SSH2: variants seen among roughly 807,000 people sequenced by gnomAD.
The protein encoded by SSH2 is protein phosphatase Slingshot homolog 2.
In SSH2, 37 loss-of-function variants were observed where a neutral mutation model predicts 135.2. The ratio of observed to expected loss-of-function variants is 0.27; its 90% CI spans 0.21 to 0.36. SSH2 has a LOEUF of 0.36. Among genes scored for constraint, SSH2 ranks in the 10% least tolerant of loss-of-function variants. SSH2 has a pLI of 1.00. For missense variants in SSH2, 1,408 were observed against 1,765.3 expected (o/e 0.80, Z 3.63); for synonymous variants, 628 against 646.2 (o/e 0.97, Z 0.43).
At position 29,737,557 on chromosome 17, in the gene SSH2, C is replaced by T. The variant is rs184632678; in HGVS notation, c.189-34495G>A. On this transcript the variant is annotated intron_variant, in intron 3 of 15. Coordinates refer to ENST00000540801, the MANE Select transcript of SSH2 (RefSeq NM_001282129.2). ...AACTACAGACAAATAAGGCACAGTACAAAAGCATGGGATATAAAGTTAGAA... is the reference window on the plus strand; with the variant it reads ...AACTACAGACAAATAAGGCACAGTATAAAAGCATGGGATATAAAGTTAGAA... Among the ~76,000 whole-genome samples, 8 of 152,210 alleles carry T rather than the reference C, an allele frequency of 5.3e-5. 1 individual carries two copies. The highest frequency in any genetic ancestry group is 7.2e-5 in the African/African-American group (3 of 41,534).
intron 14 of SSH2, among the ~76,000 whole-genome samples, chr17:29,646,979 T>TA (rs1247204190): frequency 1.3e-5 from 2 of 151,080 alleles, no homozygotes; most frequent in Admixed American, 6.6e-5. Context: ...TTTTTTTTTT[T>TA]AAAGAGTCGG....
chr17:29,710,324 G>A (rs1029326017), intron 3 of SSH2, among the ~76,000 whole-genome samples: 2 of 152,214 alleles, frequency 1.3e-5, no homozygotes, highest in African/African-American at 4.8e-5. Context: ...AAACTCTGGA[G>A]TTGGTTTGAT....
intron 3 of SSH2, among the ~76,000 whole-genome samples, chr17:29,719,274 A>G (rs1372683351): frequency 6.6e-6 from 1 of 152,208 alleles, no homozygotes; most frequent in Non-Finnish European, 1.5e-5. Context: ...TGGCACGTCC[A>G]TCAATGTTCT....
chr17:29,781,541 G>A (rs987009895), intron 3 of SSH2, among the ~76,000 whole-genome samples: 1 of 141,916 alleles, frequency 7.0e-6, no homozygotes, highest in African/African-American at 2.7e-5. Context: ...GTGCAATGGC[G>A]CAGTCTCAGC....
chr17:29,915,749 G>A (rs987787305), intron 1 of SSH2, among the ~76,000 whole-genome samples: 1 of 151,480 alleles, frequency 6.6e-6, no homozygotes, highest in Non-Finnish European at 1.5e-5. Context: ...GTGGAAATTG[G>A]CAACTAAAAC....
At chr17:29,701,869 C>T (rs188097849) in intron 4 of SSH2, among the ~76,000 whole-genome samples, 1 of 151,588 alleles carries the variant, frequency 6.6e-6, no homozygotes, top group South Asian at 2.1e-4. Context: ...CTGTGCCTGG[C>T]CACATTTGGC....
intron 13 of SSH2, among the ~76,000 whole-genome samples, chr17:29,649,710 C>A (rs757350916): frequency 2.6e-5 from 4 of 152,146 alleles, no homozygotes; most frequent in African/African-American, 4.8e-5. Context: ...ATCTGCCCCT[C>A]TGGATCTTAG....
intron 11 of SSH2, among the ~76,000 whole-genome samples, chr17:29,663,623 A>T (rs113781494): frequency 0.026 from 4,007 of 152,304 alleles, 172 homozygotes; most frequent in African/African-American, 0.089. Context: ...AGAATACAGA[A>T]TTATACCTGA....
At chr17:29,761,480 G>C (rs1039285514) in intron 3 of SSH2, 16 of 986,430 alleles carry the variant, frequency 1.6e-5, no homozygotes, top group Non-Finnish European at 1.9e-5. Flanking sequence ...GGGGCGGGAC[G>C]GGCGGGTCCT....
chr17:29,701,004 T>A (rs2038953475), intron 4 of SSH2, among the ~76,000 whole-genome samples: 1 of 151,998 alleles, frequency 6.6e-6, no homozygotes. Flanking sequence ...GGAGTCTTAC[T>A]GTGTCGCCCA....
chr17:29,698,649 CA>C (rs1567891666), intron 4 of SSH2, among the ~76,000 whole-genome samples: 1 of 151,978 alleles, frequency 6.6e-6, no homozygotes, highest in African/African-American at 2.4e-5. Flanking sequence ...TTGTGCACCA[CA>C]ACGCCTAGCT....
At chr17:29,752,095 T>C (rs902063943) in intron 3 of SSH2, among the ~76,000 whole-genome samples, 1 of 152,218 alleles carries the variant, frequency 6.6e-6, no homozygotes, top group African/African-American at 2.4e-5. Flanking sequence ...CATTCTTCAT[T>C]GGGCAGGCTC....
chr17:29,703,020 A>AAAAAG lies in SSH2; in HGVS notation c.226_230dup (p.Leu78PhefsTer46). On this transcript the variant is annotated frameshift_variant, in exon 4 of 16. Transcript: ENST00000540801. LOFTEE classifies it high-confidence loss of function. ...TGGATGAGCCATTTCCCCGTGGTAG[A>AAAAAG]AAAAGGGCAGCACCTTTGACAGTTA... 6.2e-7 allele frequency: 1 copy of AAAAAG among 1,613,920 alleles called. No individual in the cohort carries two copies. Among genetic ancestry groups the AAAAAG allele is most frequent in the Non-Finnish European group, 8.5e-7 (1 of 1,179,828 alleles).
intron 14 of SSH2, among the ~76,000 whole-genome samples, chr17:29,642,709 C>T (rs538689241): frequency 1.2e-4 from 18 of 152,274 alleles, no homozygotes; most frequent in African/African-American, 4.1e-4. Flanking sequence ...TAGCCTTCTC[C>T]AGGCTCTTAA....
At chr17:29,694,579 G>C (rs539192080) in intron 5 of SSH2, among the ~76,000 whole-genome samples, 2 of 152,182 alleles carry the variant, frequency 1.3e-5, no homozygotes, top group South Asian at 4.1e-4. Flanking sequence ...TGAGGCAGGA[G>C]AATCGATCGA....
chr17:29,855,933 T>A, intron 1 of SSH2: 1 of 266,388 alleles, frequency 3.8e-6, no homozygotes, highest in South Asian at 4.1e-5. Flanking sequence ...TGACAAATGA[T>A]TGGGAAATAG....
intron 1 of SSH2, among the ~76,000 whole-genome samples, chr17:29,920,126 G>A (rs1355036159): frequency 1.3e-5 from 2 of 152,140 alleles, no homozygotes; most frequent in African/African-American, 4.8e-5. Flanking sequence ...GGCTGGTCTC[G>A]AACTGCCGAC....
intron 3 of SSH2, among the ~76,000 whole-genome samples, chr17:29,740,692 G>T (rs1333162066): frequency 6.6e-6 from 1 of 152,144 alleles, no homozygotes. Context: ...GGCAGGAAAT[G>T]CTAACTTCAT....
intron 8 of SSH2, 81 bp downstream of exon 8, chr17:29,676,739 G>T: frequency 2.6e-6 from 3 of 1,148,432 alleles, no homozygotes; most frequent in Non-Finnish European, 3.9e-6. Flanking sequence ...ATAGCAAACT[G>T]TACCATTTCA....
Sources: allele counts gnomAD v4.1 joint callset (sites outside exome capture counted in the v4.1 genomes callset), GRCh38; gene constraint gnomAD v4.1.1; transcripts MANE v1.5; gene names NCBI Gene and HGNC (gene_info 2026-07-23, HGNC 2026-07-21).